COL11A1: variants seen among roughly 807,000 people sequenced by gnomAD.
COL11A1 encodes collagen alpha-1(XI) chain.
COL11A1 carries 74 observed loss-of-function variants against 265.2 expected under a neutral mutation model. The ratio of observed to expected loss-of-function variants is 0.28; its 90% CI spans 0.23 to 0.34. The LOEUF (loss-of-function observed/expected upper bound fraction) is 0.34, where lower values mean the gene tolerates loss of function less well. Among genes scored for constraint, COL11A1 ranks in the 10% least tolerant of loss-of-function variants. The pLI is 1.00. For missense variants in COL11A1, 2,165 were observed against 2,263.6 expected, an observed-to-expected ratio of 0.96 and a Z score of 0.88; for synonymous variants, 816 against 727.6, an observed-to-expected ratio of 1.12 and a Z score of -1.96.
chr1:103,058,577 G>T (rs1311545141), intron 4 of COL11A1, among the ~76,000 whole-genome samples: 1 of 152,072 alleles, frequency 6.6e-6, no homozygotes, highest in African/African-American at 2.4e-5. Flanking sequence ...AGTGACTCTT[G>T]AACACTTGAA....
intron 41 of COL11A1, among the ~76,000 whole-genome samples, chr1:102,960,715 T>G (rs959978770): frequency 2.0e-5 from 3 of 151,354 alleles, no homozygotes; most frequent in African/African-American, 7.3e-5. Flanking sequence ...ATGCATTAAG[T>G]TGGGTAGAAT....
chr1:102,948,561 TGTGA>T (rs149924791), intron 41 of COL11A1, among the ~76,000 whole-genome samples: 4,833 of 152,112 alleles, frequency 0.032, 105 homozygotes, highest in Middle Eastern at 0.085. Context: ...ATTTTTGAGC[TGTGA>T]GTAAGTATAT....
intron 57 of COL11A1, among the ~76,000 whole-genome samples, chr1:102,893,252 A>G (rs1231650054): frequency 3.3e-5 from 5 of 152,168 alleles, no homozygotes; most frequent in African/African-American, 9.6e-5. Flanking sequence ...AAAATATATT[A>G]GACATTATTT....
chr1:102,929,206 A>G (rs942146036), intron 46 of COL11A1, among the ~76,000 whole-genome samples: 2 of 140,062 alleles, frequency 1.4e-5, no homozygotes, highest in Non-Finnish European at 3.1e-5. Flanking sequence ...GTTTTCTCCT[A>G]GGGTTTTTAT....
In COL11A1 at chr1:102,879,841, C is replaced by T. The variant is rs750062798; in HGVS notation, c.5116G>A (p.Ala1706Thr). 2.5e-6 allele frequency: 4 copies of T among 1,613,800 alleles called. No homozygotes were observed. In the East Asian group the frequency reaches 8.9e-5, roughly 36 times the overall value. Residue 1706 changes from alanine to threonine, a missense_variant, in exon 66 of 67, where the codon GCT becomes ACT. Coordinates refer to ENST00000370096, the MANE Select transcript of COL11A1 (RefSeq NM_001854.4). ...CAGTGGTAGGTGAAATTTTGCCGAG[C>T]AGAGGCAGTCAGAAGTTTCAGGAAT... is the stretch of plus-strand genomic sequence containing the variant. Reference protein sequence around the residue: ...MTFLKLLTASARQNFTYHCHQ... With the variant: ...MTFLKLLTASTRQNFTYHCHQ...
chr1:102,923,436 A>T (rs1656219399), intron 46 of COL11A1, 47 bp from the exon 47 acceptor site: 2 of 1,416,974 alleles, frequency 1.4e-6, no homozygotes, highest in South Asian at 1.3e-5. Flanking sequence ...GATGTCTTTA[A>T]AAAAAAAAGT....
intron 4 of COL11A1, among the ~76,000 whole-genome samples, chr1:103,039,814 C>T (rs540940973): frequency 6.6e-6 from 1 of 151,180 alleles, no homozygotes; most frequent in Non-Finnish European, 1.5e-5. Context: ...AAAAAAAATA[C>T]AAAATGGATA....
chr1:103,034,900 A>C (rs987340506), intron 4 of COL11A1, among the ~76,000 whole-genome samples: 1 of 152,120 alleles, frequency 6.6e-6, no homozygotes, highest in Admixed American at 6.6e-5. Flanking sequence ...TTGTTCATTT[A>C]GTGATTTCCT....
chr1:102,984,251 T>G, intron 30 of COL11A1, 60 bp from the exon 31 acceptor site: 6 of 1,132,446 alleles, frequency 5.3e-6, no homozygotes, highest in Non-Finnish European at 7.7e-6. Flanking sequence ...GCTTAAATAA[T>G]GATTTCAATT....
At chr1:102,983,463 C>G (rs1261103173) in intron 31 of COL11A1, among the ~76,000 whole-genome samples, 1 of 151,806 alleles carries the variant, frequency 6.6e-6, no homozygotes, top group Non-Finnish European at 1.5e-5. Context: ...TTACAAGAGA[C>G]AGAAGAGAAT....
intron 54 of COL11A1, among the ~76,000 whole-genome samples, 189 bp downstream of exon 54, chr1:102,911,970 T>C (rs958016664): frequency 6.6e-6 from 1 of 152,236 alleles, no homozygotes; most frequent in African/African-American, 2.4e-5. Flanking sequence ...TCATTTTTAT[T>C]GTGACAGTGA....
Position 103,031,217 on chromosome 1 carries a change from C to T in COL11A1, c.679G>A (p.Gly227Ser), listed in dbSNP as rs749668126. ...TAGTCATATGCTGCCTTGGGATCACCTGTGATCAAAAACTGCTGAATGTCC... is the reference window on the plus strand; with the variant it reads ...TAGTCATATGCTGCCTTGGGATCACTTGTGATCAAAAACTGCTGAATGTCC... ...EGDIQQFLIT[G>S]DPKAAYDYCE... The change falls in exon 5 of 67, where the codon GGT becomes AGT. Residue 227 changes from glycine (G) to serine (S), a missense_variant. By Grantham distance (56) the Gly-to-Ser change is moderately conservative (BLOSUM62 0). Transcript: ENST00000370096. The T allele has an allele frequency of 1.9e-6, 3 of 1,603,900 alleles. No homozygotes were observed. Among genetic ancestry groups the T allele is most frequent in the Middle Eastern group, 1.7e-4 (1 of 6,038 alleles).
At chr1:102,916,368 C>T (rs1366150051) in intron 49 of COL11A1, among the ~76,000 whole-genome samples, 2 of 151,972 alleles carry the variant, frequency 1.3e-5, no homozygotes, top group Non-Finnish European at 2.9e-5. Flanking sequence ...GTTGCTAATG[C>T]CCCACAATTC....
At chr1:102,976,669 T>C (rs906747180) in intron 35 of COL11A1, among the ~76,000 whole-genome samples, 1 of 152,158 alleles carries the variant, frequency 6.6e-6, no homozygotes, top group Non-Finnish European at 1.5e-5. Flanking sequence ...TGACTCAGTG[T>C]ACAGATGGTG....
intron 41 of COL11A1, among the ~76,000 whole-genome samples, chr1:102,950,854 A>G (rs573510978): frequency 2.0e-5 from 3 of 152,282 alleles, no homozygotes; most frequent in East Asian, 3.9e-4. Flanking sequence ...AGTGAAGACA[A>G]TGGAATCATG....
chr1:102,978,984 T>C lies in COL11A1; in HGVS notation c.2656-71A>G. 1.9e-6 allele frequency: 3 copies of C among 1,609,912 alleles called. No homozygotes were observed. The South Asian group carries it at 3.3e-5, about 18-fold the overall frequency. On this transcript the variant is annotated intron_variant, in intron 33 of 66. Coordinates refer to ENST00000370096, the MANE Select transcript of COL11A1 (RefSeq NM_001854.4). ...TCCAAAGACACTAAATCAATTTTTA[T>C]TTTTGAAAAATAAATTATCTTGATA...
chr1:103,087,422 T>G (rs1433548807), intron 1 of COL11A1, among the ~76,000 whole-genome samples: 1 of 152,206 alleles, frequency 6.6e-6, no homozygotes, highest in African/African-American at 2.4e-5. Context: ...GTCACTCTGA[T>G]GTTTAAATTC....
chr1:103,097,695 G>A (rs1237723282), intron 1 of COL11A1, among the ~76,000 whole-genome samples: 1 of 151,912 alleles, frequency 6.6e-6, no homozygotes, highest in Admixed American at 6.6e-5. Context: ...TGTCGAACGT[G>A]GCAATGAAAT....
At chr1:103,099,988 T>C (rs1468147205) in intron 1 of COL11A1, among the ~76,000 whole-genome samples, 1 of 151,868 alleles carries the variant, frequency 6.6e-6, no homozygotes, top group Non-Finnish European at 1.5e-5. Flanking sequence ...AAAAAAAGAA[T>C]ATAATTAACC....
Sources: gnomAD v4.1 joint callset for allele counts (sites outside exome capture counted in the v4.1 genomes callset) on GRCh38, gnomAD v4.1.1 for gene constraint, MANE v1.5 for transcripts, NCBI Gene and HGNC (gene_info 2026-07-23, HGNC 2026-07-21) for gene names.